Variants in TCF7L2 observed in about 807,000 individuals in gnomAD.
The protein encoded by TCF7L2 is transcription factor 7 like 2, also known as transcription factor 7-like 2.
Under a neutral mutation model 77.9 loss-of-function variants are expected in TCF7L2, and 23 were observed. The observed-to-expected ratio is 0.30, with a 90% confidence interval of 0.21 to 0.42. The LOEUF is 0.42. TCF7L2 is among the 10% of genes least tolerant of loss of function. The pLI, the probability that TCF7L2 is intolerant of heterozygous loss-of-function variation, is 1.00. For synonymous variants in TCF7L2, 413 were observed against 340.2 expected, an observed-to-expected ratio of 1.21 and a Z score of -2.36; for missense variants, 654 against 793.1, an observed-to-expected ratio of 0.82 and a Z score of 2.11.
At chr10:113,013,861 A>G (rs773323816) in intron 4 of TCF7L2, among the ~76,000 whole-genome samples, 1 of 152,066 alleles carries the variant, frequency 6.6e-6, no homozygotes, top group East Asian at 1.9e-4. Context: ...ACAACGCCCC[A>G]TGACTCTTTT....
chr10:113,112,592 A>G lies in TCF7L2; in HGVS notation c.553-28592A>G, dbSNP rs533061964. On this transcript the variant is annotated intron_variant, in intron 5 of 13. Transcript: ENST00000627217. Reference sequence around the variant, plus strand: ...CACAGCAATTTCCCGTGCTTACTTAATAGTGTTTAAATCAACTTACTGGAT... The same window carrying G: ...CACAGCAATTTCCCGTGCTTACTTAGTAGTGTTTAAATCAACTTACTGGAT... Among the ~76,000 whole-genome samples, 5 of 152,360 alleles carry G rather than the reference A, an allele frequency of 3.3e-5. No homozygotes were observed. The East Asian group carries it at 5.8e-4, about 18-fold the overall frequency.
intron 5 of TCF7L2, among the ~76,000 whole-genome samples, chr10:113,068,539 G>C (rs1001581189): frequency 1.2e-4 from 18 of 152,210 alleles, no homozygotes; most frequent in African/African-American, 4.1e-4. Flanking sequence ...GCTGGGCCTC[G>C]CAGAGATGGA....
Position 113,022,531 on chromosome 10 carries a change from G to A in TCF7L2, c.451-17494G>A, listed in dbSNP as rs61872780. ...GGCTGGTTAACTAGGAAGACTTTTG[G>A]TCACTCTGCTTTACTTAGCCTAAAG... On this transcript the variant is annotated intron_variant, in intron 4 of 13. Transcript: ENST00000627217. Among the ~76,000 whole-genome samples the A allele has an allele frequency of 7.3e-3, 1,105 of 152,244 alleles. 5 individuals carry two copies. Among genetic ancestry groups the A allele is most frequent in the Middle Eastern group, 0.024 (7 of 294 alleles).
intron 5 of TCF7L2, among the ~76,000 whole-genome samples, chr10:113,072,435 A>T (rs1030759176): frequency 2.0e-5 from 3 of 151,988 alleles, no homozygotes; most frequent in Non-Finnish European, 4.4e-5. Flanking sequence ...CCTCACTGCA[A>T]CTTGCGCCTC....
Position 112,961,254 on chromosome 10 carries a change from A to ACCG in TCF7L2, c.382-3300_382-3299insGCC, listed in dbSNP as rs1349844083. 2.3e-4 allele frequency among the ~76,000 whole-genome samples: 14 copies of ACCG among 60,498 alleles called. 3 individuals carry two copies. The highest frequency in any genetic ancestry group is 7.4e-4 in the African/African-American group (5 of 6,740). 39.7% of individuals were successfully genotyped at this position (60,498 alleles called of 152,430 possible). A position where few individuals can be genotyped will look rare whatever the true frequency, so the allele number is the denominator to read the frequency against. ...GGTCTCGAACTCCCGACCTCAGGTG[A>ACCG]CCCCCCCCCCCCCAACCTCGGCCTT... On this transcript the variant is annotated intron_variant, in intron 3 of 13. Coordinates refer to ENST00000627217, the MANE Select transcript of TCF7L2 (RefSeq NM_001146274.2).
intron 8 of TCF7L2, among the ~76,000 whole-genome samples, chr10:113,146,466 A>T (rs1379921588): frequency 2.0e-5 from 3 of 152,164 alleles, no homozygotes; most frequent in Admixed American, 6.5e-5. Context: ...TCGAAAAAAG[A>T]TTACTGGTGT....
At chr10:113,088,546 T>C (rs1268074481) in intron 5 of TCF7L2, among the ~76,000 whole-genome samples, 1 of 152,172 alleles carries the variant, frequency 6.6e-6, no homozygotes, top group African/African-American at 2.4e-5. Flanking sequence ...TTAACGCATA[T>C]TTCTTGAGCA....
At chr10:112,983,429 C>T (rs1048348598) in intron 4 of TCF7L2, among the ~76,000 whole-genome samples, 2 of 152,034 alleles carry the variant, frequency 1.3e-5, no homozygotes, top group African/African-American at 4.8e-5. Flanking sequence ...GAGCCGAGAT[C>T]GCGCCACTGC....
chr10:112,985,415 AC>A lies in TCF7L2; in HGVS notation c.450+20796del, dbSNP rs138757086. Among the ~76,000 whole-genome samples, 1,834 of 151,950 alleles carry A rather than the reference AC, an allele frequency of 0.012. 156 individuals carry two copies. The East Asian group carries it at 0.23, about 19-fold the overall frequency. On this transcript the variant is annotated intron_variant, in intron 4 of 13. Transcript: ENST00000627217. Reference sequence around the variant, plus strand: ...ACCCATTTTCACTCTTATTTTAGTGACCCCCTCCCCCAAGACATATAATATA... The same window carrying A: ...ACCCATTTTCACTCTTATTTTAGTGACCCCTCCCCCAAGACATATAATATA...
chr10:113,112,050 C>T (rs927994163), intron 5 of TCF7L2, among the ~76,000 whole-genome samples: 4 of 152,198 alleles, frequency 2.6e-5, no homozygotes, highest in Non-Finnish European at 5.9e-5. Context: ...GTTTCACAGT[C>T]TGCTTTGGGC....
intron 5 of TCF7L2, among the ~76,000 whole-genome samples, chr10:113,096,183 T>C (rs571842015): frequency 2.0e-5 from 3 of 152,158 alleles, no homozygotes; most frequent in Non-Finnish European, 4.4e-5. Flanking sequence ...GCTGCAGGGG[T>C]GGTTTTGACT....
At chr10:113,064,622 T>C (rs1019830189) in intron 5 of TCF7L2, among the ~76,000 whole-genome samples, 4 of 152,238 alleles carry the variant, frequency 2.6e-5, no homozygotes, top group Middle Eastern at 3.2e-3. Context: ...TTACCTGGCA[T>C]GCACTGTAGC....
At chr10:113,124,506 T>C (rs1003043175) in intron 5 of TCF7L2, among the ~76,000 whole-genome samples, 1 of 152,128 alleles carries the variant, frequency 6.6e-6, no homozygotes, top group African/African-American at 2.4e-5. Flanking sequence ...ACAACTTATA[T>C]GGAGCAAGCC....
chr10:113,127,301 C>T (rs1400360055), intron 5 of TCF7L2, among the ~76,000 whole-genome samples: 8 of 151,178 alleles, frequency 5.3e-5, no homozygotes, highest in Admixed American at 3.3e-4. Context: ...CCTCCTCGCT[C>T]CCCTCCTCCC....
At chr10:112,960,257 A>G (rs1235641163) in intron 3 of TCF7L2, among the ~76,000 whole-genome samples, 1 of 152,190 alleles carries the variant, frequency 6.6e-6, no homozygotes, top group Non-Finnish European at 1.5e-5. Context: ...TCAAATTTAG[A>G]GCCCAGTAGT....
chr10:112,985,300 A>G (rs1198640289), intron 4 of TCF7L2, among the ~76,000 whole-genome samples: 2 of 152,138 alleles, frequency 1.3e-5, no homozygotes, highest in Non-Finnish European at 2.9e-5. Flanking sequence ...CAGAAGCTGT[A>G]AGAGATGAAC....
rs764592584 is a variant in TCF7L2 at position 112,951,639 on chromosome 10, T to TGCCCGCCC, written c.381+39_381+46dup. 7 of 924,398 alleles carry TGCCCGCCC rather than the reference T, an allele frequency of 7.6e-6. No individual in the cohort carries two copies. In the African/African-American group the frequency reaches 2.4e-4, roughly 31 times the overall value. 57.3% of individuals were successfully genotyped at this position (924,398 alleles called of 1,614,324 possible). On this transcript the variant is annotated intron_variant, in intron 3 of 13. Transcript: ENST00000627217. ...GCCTCCGCGCCCGGCCCCCGCCCGC[T>TGCCCGCCC]GCCCGCCCGCCCGCGCCGCCCGCCG...
intron 13 of TCF7L2, chr10:113,161,355 GT>G: frequency 3.4e-6 from 2 of 583,446 alleles, no homozygotes; most frequent in Non-Finnish European, 6.1e-6. Context: ...AAATATATGT[GT>G]GTATATATGT....
chr10:113,011,015 G>GA (rs1158282531), intron 4 of TCF7L2, among the ~76,000 whole-genome samples: 1 of 151,724 alleles, frequency 6.6e-6, no homozygotes, highest in Non-Finnish European at 1.5e-5. Context: ...TCAAAAAAAA[G>GA]AAAAAAAAGG....
Sources: gnomAD v4.1 joint callset for allele counts (sites outside exome capture counted in the v4.1 genomes callset) on GRCh38, gnomAD v4.1.1 for gene constraint, MANE v1.5 for transcripts, NCBI Gene and HGNC (gene_info 2026-07-23, HGNC 2026-07-21) for gene names.